Variants in NAA16 observed in about 807,000 individuals in gnomAD.
NAA16 encodes the protein NARG1-like protein.
NAA16 carries 97 observed loss-of-function variants against 110.3 expected under a neutral mutation model. The ratio of observed to expected loss-of-function variants is 0.88; its 90% CI spans 0.75 to 1.04. The LOEUF (loss-of-function observed/expected upper bound fraction) is 1.04, where lower values mean the gene tolerates loss of function less well. Among genes scored for constraint, NAA16 ranks in the 50% least tolerant of loss-of-function variants. The pLI is 0.00. For synonymous variants in NAA16, 372 were observed against 330.6 expected, an observed-to-expected ratio of 1.13 and a Z score of -1.36; for missense variants, 1,017 against 1,005.1, an observed-to-expected ratio of 1.01 and a Z score of -0.16.
intron 9 of NAA16, among the ~76,000 whole-genome samples, chr13:41,345,068 G>T (rs560523986): frequency 2.4e-4 from 37 of 152,244 alleles, no homozygotes; most frequent in African/African-American, 8.9e-4. Context: ...TCCCTTTTAT[G>T]ACCATGTAAC....
intron 3 of NAA16, 135 bp downstream of exon 3, chr13:41,319,045 T>A: frequency 2.3e-6 from 1 of 437,300 alleles, no homozygotes; most frequent in Non-Finnish European, 4.0e-6. Flanking sequence ...ATTACTCAAC[T>A]ATAATCATTA....
At chr13:41,345,701 A>G (rs796552878) in intron 9 of NAA16, among the ~76,000 whole-genome samples, 2 of 151,840 alleles carry the variant, frequency 1.3e-5, no homozygotes, top group East Asian at 3.9e-4. Context: ...TCCCACCTCC[A>G]CTTCCTGAGT....
rs1477501697 is a variant in NAA16 at position 41,336,730 on chromosome 13, A to G, written c.988A>G (p.Lys330Glu). 6.2e-7 allele frequency: 1 copy of G among 1,604,998 alleles called. No individual in the cohort carries two copies. Among genetic ancestry groups the G allele is most frequent in the Admixed American group, 1.7e-5 (1 of 59,240 alleles). ...KGCPPLFTTL[K>E]SLYYNTEKVS... Reference sequence around the variant, plus strand: ...CTGCCCACCCTTGTTTACTACTTTGAAATCTTTATATTACAATACAGAAAA... The same window carrying G: ...CTGCCCACCCTTGTTTACTACTTTGGAATCTTTATATTACAATACAGAAAA... The change falls in exon 9 of 20, where the codon AAA becomes GAA. Residue 330 changes from lysine (K) to glutamate (E), a missense_variant. Coordinates refer to ENST00000379406, the MANE Select transcript of NAA16 (RefSeq NM_024561.5).
chr13:41,344,704 G>T (rs1449208492), intron 9 of NAA16, among the ~76,000 whole-genome samples: 1 of 152,164 alleles, frequency 6.6e-6, no homozygotes, highest in Non-Finnish European at 1.5e-5. Flanking sequence ...GATGTCAGTA[G>T]CTTCCCCACC....
At chr13:41,372,373 A>G in intron 16 of NAA16, 62 bp downstream of exon 16, 3 of 1,478,614 alleles carry the variant, frequency 2.0e-6, no homozygotes, top group Non-Finnish European at 2.7e-6. Flanking sequence ...TATTCAGTGT[A>G]ATCTTTGTCA....
chr13:41,344,366 A>G (rs1012125291), intron 9 of NAA16, among the ~76,000 whole-genome samples: 7 of 152,218 alleles, frequency 4.6e-5, no homozygotes, highest in Admixed American at 2.6e-4. Context: ...TCTGTTGTGG[A>G]AGTTCATCTG....
At chr13:41,314,245 CTAT>C (rs1352871644) in intron 1 of NAA16, among the ~76,000 whole-genome samples, 2 of 152,084 alleles carry the variant, frequency 1.3e-5, no homozygotes, top group African/African-American at 2.4e-5. Context: ...TAGGTGTTAA[CTAT>C]TATTACTGTT....
At chr13:41,361,706 G>A (rs2139501721) in intron 12 of NAA16, among the ~76,000 whole-genome samples, 1 of 152,300 alleles carries the variant, frequency 6.6e-6, no homozygotes, top group South Asian at 2.1e-4. Flanking sequence ...TCACGTTCCG[G>A]GTGGGATAGA....
At chr13:41,318,402 G>A (rs576728660) in intron 2 of NAA16, among the ~76,000 whole-genome samples, 110 of 152,052 alleles carry the variant, frequency 7.2e-4, no homozygotes, top group Non-Finnish European at 1.4e-3. Flanking sequence ...GGGTTTTGCT[G>A]TGTTGGCCAG....
intron 15 of NAA16, among the ~76,000 whole-genome samples, chr13:41,369,733 T>A (rs1296600744): frequency 6.6e-6 from 1 of 152,154 alleles, no homozygotes; most frequent in Non-Finnish European, 1.5e-5. Flanking sequence ...CTGCTGTTGC[T>A]GGCTTTGAAG....
At chr13:41,366,971 C>T (rs886439562) in intron 13 of NAA16, among the ~76,000 whole-genome samples, 4 of 151,996 alleles carry the variant, frequency 2.6e-5, no homozygotes, top group East Asian at 3.9e-4. Flanking sequence ...CTGTGGCAGG[C>T]GGTGGGTAAG....
At chr13:41,369,618 T>A (rs954288346) in intron 15 of NAA16, among the ~76,000 whole-genome samples, 3 of 152,162 alleles carry the variant, frequency 2.0e-5, no homozygotes, top group Non-Finnish European at 4.4e-5. Context: ...TCAAGATAGA[T>A]TAGCCTGGAT....
chr13:41,321,219 A>G (rs1355656614), intron 4 of NAA16, among the ~76,000 whole-genome samples: 10 of 152,070 alleles, frequency 6.6e-5, no homozygotes, highest in Non-Finnish European at 1.0e-4. Flanking sequence ...GATCCCTTGA[A>G]CCTAAGAGTT....
chr13:41,340,552 G>A (rs1489925120), intron 9 of NAA16, among the ~76,000 whole-genome samples: 2 of 149,880 alleles, frequency 1.3e-5, no homozygotes, highest in African/African-American at 4.9e-5. Flanking sequence ...TGGTTTCAAA[G>A]AACATCTTTA....
At position 41,320,707 on chromosome 13, in the gene NAA16, A is replaced by T; in HGVS notation, c.285A>T (p.Lys95Asn). 6.2e-7 allele frequency: 1 copy of T among 1,612,192 alleles called. No homozygotes were observed. Among genetic ancestry groups the T allele is most frequent in the Non-Finnish European group, 8.5e-7 (1 of 1,179,688 alleles). The change falls in exon 4 of 20, where the codon AAA becomes AAT. Residue 95 changes from lysine (K) to asparagine (N), a missense_variant. Coordinates refer to ENST00000379406, the MANE Select transcript of NAA16 (RefSeq NM_024561.5). ...GACTCTTGCAGCGTTCTGATAAAAA[A>T]TATGATGAAGCTATAAAATGTTACC... is the stretch of plus-strand genomic sequence containing the variant. ...VYGLLQRSDK[K>N]YDEAIKCYRN...
At chr13:41,348,624 G>C (rs1365518916) in intron 9 of NAA16, among the ~76,000 whole-genome samples, 1 of 152,142 alleles carries the variant, frequency 6.6e-6, no homozygotes. Context: ...GTCTTTATCA[G>C]ATTTTGCTAT....
chr13:41,324,457 C>A (rs1444180339), intron 5 of NAA16, among the ~76,000 whole-genome samples: 1 of 148,888 alleles, frequency 6.7e-6, no homozygotes, highest in African/African-American at 2.5e-5. Context: ...CTCACTGCAA[C>A]CTCCGCCTAC....
At chr13:41,370,173 G>A (rs899502891) in intron 15 of NAA16, among the ~76,000 whole-genome samples, 1 of 152,084 alleles carries the variant, frequency 6.6e-6, no homozygotes, top group Non-Finnish European at 1.5e-5. Context: ...GAATTTTGAG[G>A]GTCCAGCAAA....
intron 4 of NAA16, among the ~76,000 whole-genome samples, chr13:41,321,296 C>G (rs2041940452): frequency 6.6e-6 from 1 of 151,888 alleles, no homozygotes; most frequent in Non-Finnish European, 1.5e-5. Flanking sequence ...GACTTTTTCT[C>G]AAAAAACAAA....
Sources: gnomAD v4.1 joint callset for allele counts (sites outside exome capture counted in the v4.1 genomes callset) on GRCh38, gnomAD v4.1.1 for gene constraint, MANE v1.5 for transcripts, NCBI Gene and HGNC (gene_info 2026-07-23, HGNC 2026-07-21) for gene names.